MYO1E: variants seen among roughly 807,000 people sequenced by gnomAD.
MYO1E encodes the protein unconventional myosin-Ie.
MYO1E carries 68 observed loss-of-function variants against 151.1 expected under a neutral mutation model. That is an observed-to-expected ratio of 0.45 (90% CI 0.37 to 0.55). The LOEUF (loss-of-function observed/expected upper bound fraction) is 0.55, where lower values mean the gene tolerates loss of function less well. Among genes scored for constraint, MYO1E ranks in the 20% least tolerant of loss-of-function variants. The pLI is 0.00. For synonymous variants in MYO1E, 601 were observed against 501.7 expected (o/e 1.20, Z -2.64); for missense variants, 1,363 against 1,389.3 (o/e 0.98, Z 0.30).
intron 26 of MYO1E, among the ~76,000 whole-genome samples, chr15:59,143,082 T>C (rs2079420644): frequency 6.6e-6 from 1 of 152,144 alleles, no homozygotes; most frequent in Non-Finnish European, 1.5e-5. Flanking sequence ...TGCGTGGTCT[T>C]TGATATCAAG....
intron 1 of MYO1E, chr15:59,341,229 CTT>C (rs1285149771): frequency 6.6e-6 from 1 of 151,762 alleles, no homozygotes; most frequent in African/African-American, 2.4e-5. Flanking sequence ...CAGTAATACT[CTT>C]TTAGTTATTT....
chr15:59,359,235 G>T (rs192001689), intron 1 of MYO1E, among the ~76,000 whole-genome samples: 145 of 150,556 alleles, frequency 9.6e-4, no homozygotes, highest in Non-Finnish European at 1.5e-3. Flanking sequence ...AGACTAGCCT[G>T]AGCAACAAAG....
intron 7 of MYO1E, among the ~76,000 whole-genome samples, chr15:59,225,645 CTTTTCT>C (rs1224839916): frequency 9.7e-5 from 7 of 72,044 alleles, no homozygotes; most frequent in East Asian, 3.7e-4. Flanking sequence ...TCTTTCTTTT[CTTTTCT>C]TTTTTTTTTT....
chr15:59,175,948 A>C lies in MYO1E; in HGVS notation c.2050-1708T>G, dbSNP rs191056034. ...GAATAAAAACCAAACCAAACCAAAA[A>C]ACAACAACAGGAAAACACACAAAAC... On this transcript the variant is annotated intron_variant, in intron 19 of 27. Transcript: ENST00000288235. 5.6e-3 allele frequency among the ~76,000 whole-genome samples: 847 copies of C among 152,298 alleles called. 7 individuals are homozygous for C. The highest frequency in any genetic ancestry group is 0.019 in the African/African-American group (776 of 41,554).
At chr15:59,278,196 T>C (rs1724940802) in intron 1 of MYO1E, among the ~76,000 whole-genome samples, 1 of 152,230 alleles carries the variant, frequency 6.6e-6, no homozygotes, top group Non-Finnish European at 1.5e-5. Flanking sequence ...CTGAGCCATT[T>C]AGTTGGCCCA....
intron 1 of MYO1E, among the ~76,000 whole-genome samples, chr15:59,345,330 A>C (rs1176371629): frequency 1.3e-5 from 2 of 152,044 alleles, no homozygotes; most frequent in African/African-American, 2.4e-5. Flanking sequence ...ATCAGGACTG[A>C]GAGTTTAACT....
chr15:59,354,524 C>T (rs1307105030), intron 1 of MYO1E, among the ~76,000 whole-genome samples: 1 of 152,146 alleles, frequency 6.6e-6, no homozygotes, highest in African/African-American at 2.4e-5. Flanking sequence ...TGGGTGTCCT[C>T]AGGTGGCAGA....
At chr15:59,162,771 T>G (rs1357178581) in intron 23 of MYO1E, among the ~76,000 whole-genome samples, 1 of 152,156 alleles carries the variant, frequency 6.6e-6, no homozygotes, top group African/African-American at 2.4e-5. Context: ...ATGCATTGGT[T>G]TGGGGAATTT....
chr15:59,192,200 A>G (rs1596358940), intron 17 of MYO1E, among the ~76,000 whole-genome samples: 1 of 149,252 alleles, frequency 6.7e-6, no homozygotes, highest in East Asian at 1.9e-4. Context: ...CTGGAATTAT[A>G]AATCAACGCT....
intron 18 of MYO1E, among the ~76,000 whole-genome samples, chr15:59,187,031 G>C (rs1162521939): frequency 3.3e-5 from 5 of 152,166 alleles, no homozygotes; most frequent in Admixed American, 3.3e-4. Flanking sequence ...AATATTTTAA[G>C]CTTATTGTCT....
At chr15:59,235,691 T>C (rs1299707446) in intron 5 of MYO1E, among the ~76,000 whole-genome samples, 3 of 152,240 alleles carry the variant, frequency 2.0e-5, no homozygotes, top group African/African-American at 7.2e-5. Flanking sequence ...ATAAATTCTT[T>C]TCAGCAGAAC....
intron 4 of MYO1E, among the ~76,000 whole-genome samples, chr15:59,237,635 A>AT (rs34329447): frequency 0.18 from 28,060 of 152,192 alleles, 3,423 homozygotes; most frequent in East Asian, 0.61. Context: ...ATAGGACAAT[A>AT]TTTTTGTTCG....
rs760689661 is a variant in MYO1E, at chr15:59,138,375, G to A, written c.3081-8C>T. 5 of 1,613,750 alleles carry A rather than the reference G, an allele frequency of 3.1e-6. No individual in the cohort carries two copies. Among genetic ancestry groups the A allele is most frequent in the Admixed American group, 1.7e-5 (1 of 60,008 alleles). On this transcript the variant is annotated splice_polypyrimidine_tract_variant and splice_region_variant and intron_variant, in intron 26 of 27. Transcript: ENST00000288235. ...GTTGTTTGTCTCCTGACCCTGTGGA[G>A]AGAGTGGAGCAGATGAGACTGGGCC...
At chr15:59,244,261 C>T (rs2080116534) in intron 4 of MYO1E, among the ~76,000 whole-genome samples, 1 of 152,210 alleles carries the variant, frequency 6.6e-6, no homozygotes, top group South Asian at 2.1e-4. Flanking sequence ...CTCATCTTGG[C>T]CCAGCCTGAT....
At position 59,224,772 on chromosome 15, in the gene MYO1E, T is replaced by C. The variant is rs2079978944; in HGVS notation, c.694A>G (p.Met232Val). 7.4e-6 allele frequency: 12 copies of C among 1,614,224 alleles called. No individual in the cohort carries two copies. The highest frequency in any genetic ancestry group is 1.0e-5 in the Non-Finnish European group (12 of 1,180,036). Residue 232 changes from methionine to valine, a missense_variant, in exon 8 of 28, where the codon ATG becomes GTG. Transcript: ENST00000288235. ...AGGCTCAGGTAGTAATAATAGTCCA[T>C]GCTGGTGATGCCAAGGCTGTGTTTC... ...EQKHSLGITS[M>V]DYYYYLSLSG...
intron 4 of MYO1E, among the ~76,000 whole-genome samples, chr15:59,253,479 GA>G (rs1566992814): frequency 9.5e-6 from 1 of 105,456 alleles, no homozygotes; most frequent in Non-Finnish European, 1.8e-5. Context: ...GAGTCTGATC[GA>G]GTTTTTTTTT....
At position 59,195,575 on chromosome 15, in the gene MYO1E, G is replaced by A; in HGVS notation, c.1699-8C>T. 6.2e-7 allele frequency: 1 copy of A among 1,604,980 alleles called. No individual in the cohort carries two copies. The highest frequency in any genetic ancestry group is 8.5e-7 in the Non-Finnish European group (1 of 1,171,710). ...AAGGTCATTGGCTTGTTTCTAGAAAGGAAGAACAGTATCAGAATCATGGAA... is the reference window on the plus strand; with the variant it reads ...AAGGTCATTGGCTTGTTTCTAGAAAAGAAGAACAGTATCAGAATCATGGAA... On this transcript the variant is annotated splice_polypyrimidine_tract_variant and splice_region_variant and intron_variant, in intron 16 of 27. Transcript: ENST00000288235.
At chr15:59,368,444 A>G (rs951871150) in intron 1 of MYO1E, among the ~76,000 whole-genome samples, 27 of 151,486 alleles carry the variant, frequency 1.8e-4, no homozygotes, top group African/African-American at 6.3e-4. Context: ...CCCCGTCTCC[A>G]CTAAAAAATA....
chr15:59,280,393 G>A (rs369958986), intron 1 of MYO1E, among the ~76,000 whole-genome samples: 1 of 152,142 alleles, frequency 6.6e-6, no homozygotes, highest in African/African-American at 2.4e-5. Flanking sequence ...GGGAAGCCAA[G>A]GTGGGCAGAT....
Sources: allele counts gnomAD v4.1 joint callset (sites outside exome capture counted in the v4.1 genomes callset), GRCh38; gene constraint gnomAD v4.1.1; transcripts MANE v1.5; gene names NCBI Gene and HGNC (gene_info 2026-07-23, HGNC 2026-07-21).